Variants in FRMD3 observed in about 807,000 individuals in gnomAD.
FRMD3 encodes the protein FERM domain containing 3.
A neutral mutation model predicts 70.2 loss-of-function variants in FRMD3; 33 were observed. The observed-to-expected ratio is 0.47, with a 90% CI of 0.36 to 0.63. The LOEUF (loss-of-function observed/expected upper bound fraction) is 0.63, where lower values mean the gene tolerates loss of function less well. FRMD3 is among the 20% of genes least tolerant of loss of function. The pLI is 0.00. For missense variants in FRMD3, 632 were observed against 711.4 expected, an observed-to-expected ratio of 0.89 and a Z score of 1.27; for synonymous variants, 279 against 255.9, an observed-to-expected ratio of 1.09 and a Z score of -0.86.
At chr9:83,446,540 G>A (rs974798591) in intron 1 of FRMD3, among the ~76,000 whole-genome samples, 2 of 151,596 alleles carry the variant, frequency 1.3e-5, no homozygotes, top group African/African-American at 2.4e-5. Context: ...CCAGCTACTC[G>A]GGAGGCTGAG....
intron 13 of FRMD3, among the ~76,000 whole-genome samples, chr9:83,284,993 C>A (rs1021846585): frequency 6.8e-6 from 1 of 146,714 alleles, no homozygotes; most frequent in Non-Finnish European, 1.5e-5. Context: ...GTTATGTGTT[C>A]GGGTGGAGGG....
the FRMD3 span, among the ~76,000 whole-genome samples, chr9:83,568,917 A>AAGATAGATAGAT: frequency 4.2e-4 from 60 of 143,390 alleles, no homozygotes; most frequent in Non-Finnish European, 5.6e-4. Context: ...CTTGTTAGAA[A>AAGATAGATAGAT]AGATAGATAG....
Position 83,311,878 on chromosome 9 carries a change from G to C in FRMD3, c.773+9C>G. On this transcript the variant is annotated intron_variant, in intron 8 of 13. Transcript: ENST00000304195. ...AAATGGAAAGCCAGTTTTCCAAAGA[G>C]GCACTTACCATTTTATCAAATGGAT... is the stretch of plus-strand genomic sequence containing the variant. The C allele has an allele frequency of 6.3e-7, 1 of 1,578,202 alleles. No homozygotes were observed. Among genetic ancestry groups the C allele is most frequent in the Non-Finnish European group, 8.7e-7 (1 of 1,151,528 alleles).
chr9:83,519,367 T>C (rs1829521599), intron 1 of FRMD3, among the ~76,000 whole-genome samples: 1 of 152,178 alleles, frequency 6.6e-6, no homozygotes, highest in Non-Finnish European at 1.5e-5. Context: ...AAGACATTTA[T>C]GCGGCCGCCA....
At chr9:83,442,341 T>G (rs1179329067) in intron 1 of FRMD3, among the ~76,000 whole-genome samples, 1 of 144,492 alleles carries the variant, frequency 6.9e-6, no homozygotes, top group Admixed American at 7.3e-5. Context: ...CACTGCAGCC[T>G]CCACCTCCTG....
chr9:83,333,550 T>TCAC (rs1177392153), intron 6 of FRMD3, among the ~76,000 whole-genome samples: 3 of 152,216 alleles, frequency 2.0e-5, no homozygotes, highest in Admixed American at 6.5e-5. Context: ...AAATTGTGGA[T>TCAC]CACCAAGTCT....
At chr9:83,290,836 C>T in intron 12 of FRMD3, 109 bp from the exon 13 acceptor site, 17 of 1,139,262 alleles carry the variant, frequency 1.5e-5, no homozygotes, top group Non-Finnish European at 2.0e-5. Context: ...GAACTACCTC[C>T]AGACACAGTG....
At chr9:83,529,949 C>T (rs1004631259) in intron 1 of FRMD3, among the ~76,000 whole-genome samples, 3 of 152,168 alleles carry the variant, frequency 2.0e-5, no homozygotes, top group Admixed American at 2.0e-4. Flanking sequence ...CCACTCCACA[C>T]CCACTTAGGA....
At chr9:83,305,477 T>A (rs967448742) in intron 10 of FRMD3, among the ~76,000 whole-genome samples, 2 of 152,184 alleles carry the variant, frequency 1.3e-5, no homozygotes, top group Non-Finnish European at 2.9e-5. Context: ...CACACTGCTA[T>A]AAATGACAGA....
chr9:83,352,368 T>G (rs1824189412), intron 3 of FRMD3, among the ~76,000 whole-genome samples: 1 of 152,218 alleles, frequency 6.6e-6, no homozygotes, highest in Non-Finnish European at 1.5e-5. Flanking sequence ...CTCTCCTTCC[T>G]GAAGCATTAA....
At position 83,538,248 on chromosome 9, in the gene FRMD3, G is replaced by C. The variant is rs771626346; in HGVS notation, c.-17C>G. 1.9e-6 allele frequency: 3 copies of C among 1,548,108 alleles called. No individual in the cohort carries two copies. Among genetic ancestry groups the C allele is most frequent in the Non-Finnish European group, 2.6e-6 (3 of 1,145,946 alleles). On this transcript the variant is annotated 5_prime_UTR_variant, in exon 1 of 14. Transcript: ENST00000304195. This position sits in a 1 kb window ranked among gnomAD's most constrained non-coding sequence, Gnocchi z 4.7. ...GGCGAACATGCACCGCGGCCGTGGG[G>C]AGCGAGCGGGAGGCTCAGGGCCGGC...
intron 13 of FRMD3, among the ~76,000 whole-genome samples, chr9:83,269,623 T>C (rs7857494): frequency 0.43 from 64,536 of 151,676 alleles, 14,388 homozygotes; most frequent in African/African-American, 0.56. Flanking sequence ...GCAGGAGAAT[T>C]GCATAAACCC....
chr9:83,421,147 A>T (rs1826629146), intron 1 of FRMD3, among the ~76,000 whole-genome samples: 2 of 150,676 alleles, frequency 1.3e-5, no homozygotes, highest in Admixed American at 1.3e-4. Context: ...TCACTGTGTT[A>T]GCCAGGATGG....
chr9:83,558,594 G>C, the FRMD3 span, among the ~76,000 whole-genome samples: 4 of 152,178 alleles, frequency 2.6e-5, no homozygotes, highest in Admixed American at 6.5e-5. Context: ...GGATCAAGGA[G>C]TAATTTAGAC....
chr9:83,258,919 T>G (rs971440989), intron 13 of FRMD3, among the ~76,000 whole-genome samples: 3 of 152,200 alleles, frequency 2.0e-5, no homozygotes, highest in African/African-American at 4.8e-5. Flanking sequence ...GGAGGCACCC[T>G]GAGACAGCCC....
chr9:83,575,457 C>T, the FRMD3 span, among the ~76,000 whole-genome samples: 45 of 152,242 alleles, frequency 3.0e-4, no homozygotes, highest in Non-Finnish European at 4.3e-4. Flanking sequence ...GGAAAAGCAG[C>T]TCTTTCTCAA....
intron 1 of FRMD3, among the ~76,000 whole-genome samples, chr9:83,513,899 G>A (rs1319174892): frequency 6.6e-6 from 1 of 152,170 alleles, no homozygotes; most frequent in African/African-American, 2.4e-5. Context: ...AAGCCCTGAG[G>A]GACTGTGCCT....
At chr9:83,442,238 G>C (rs1002193302) in intron 1 of FRMD3, among the ~76,000 whole-genome samples, 3 of 150,568 alleles carry the variant, frequency 2.0e-5, no homozygotes, top group African/African-American at 7.4e-5. Flanking sequence ...CCACATAAAG[G>C]GTGGTTTATA....
intron 2 of FRMD3, among the ~76,000 whole-genome samples, chr9:83,382,054 T>TA (rs143155738): frequency 0.038 from 5,682 of 148,772 alleles, 179 homozygotes; most frequent in East Asian, 0.17. Context: ...CCATAGGATG[T>TA]AAAAAAAAAA....
Sources: gnomAD v4.1 joint callset for allele counts (sites outside exome capture counted in the v4.1 genomes callset) on GRCh38, gnomAD v4.1.1 for gene constraint, Gnocchi (gnomAD v3.1) non-coding constraint, MANE v1.5 for transcripts, NCBI Gene and HGNC (gene_info 2026-07-23, HGNC 2026-07-21) for gene names.